Variants in TMCC1 observed in about 807,000 individuals in gnomAD.
TMCC1 encodes the protein transmembrane and coiled-coil domains protein 1.
A neutral mutation model predicts 52.4 loss-of-function variants in TMCC1; 15 were observed. The observed-to-expected ratio is 0.29, with a 90% CI of 0.19 to 0.44. The LOEUF (loss-of-function observed/expected upper bound fraction) is 0.44. Ranked by LOEUF, TMCC1 falls within the 20% of genes least tolerant of loss-of-function variation. TMCC1 has a pLI of 1.00. For missense variants in TMCC1, 503 were observed against 806.0 expected (o/e 0.62, Z 4.55); for synonymous variants, 279 against 301.9 (o/e 0.92, Z 0.79).
chr3:129,819,563 A>T (rs2058307371), intron 4 of TMCC1, among the ~76,000 whole-genome samples: 1 of 152,216 alleles, frequency 6.6e-6, no homozygotes, highest in South Asian at 2.1e-4. Context: ...CAGATCACAA[A>T]AAGGAAAAAC....
intron 2 of TMCC1, chr3:129,847,841 AATCCT>A (rs1467577575): frequency 6.6e-6 from 1 of 152,242 alleles, no homozygotes; most frequent in Non-Finnish European, 1.5e-5. Flanking sequence ...CCATGTGACT[AATCCT>A]ATTCATTACA....
At chr3:129,765,696 C>T (rs191350695) in intron 4 of TMCC1, among the ~76,000 whole-genome samples, 6 of 152,176 alleles carry the variant, frequency 3.9e-5, no homozygotes, top group Admixed American at 3.9e-4. Context: ...GGTAGAGCAA[C>T]CTCTACACAG....
At chr3:129,665,678 C>T (rs1015363872) in intron 5 of TMCC1, among the ~76,000 whole-genome samples, 4 of 152,110 alleles carry the variant, frequency 2.6e-5, no homozygotes, top group Non-Finnish European at 2.9e-5. Context: ...ATATAGATTT[C>T]GGGATTGAGC....
chr3:129,885,032 G>A (rs1317702774), intron 1 of TMCC1, among the ~76,000 whole-genome samples: 7 of 151,932 alleles, frequency 4.6e-5, no homozygotes, highest in African/African-American at 9.7e-5. Flanking sequence ...CCAGCTACTC[G>A]GGGAGCTGAG....
chr3:129,750,900 A>G (rs966512706), intron 4 of TMCC1, among the ~76,000 whole-genome samples: 2 of 151,148 alleles, frequency 1.3e-5, no homozygotes, highest in Admixed American at 6.6e-5. Context: ...TAAATTTTAC[A>G]TAAGAATTAA....
rs1245669381 is a variant in TMCC1, at chr3:129,655,101, C to T, written c.1514G>A (p.Cys505Tyr). Residue 505 changes from cysteine to tyrosine, a missense_variant and splice_region_variant, in exon 6 of 7, where the codon TGT (cysteine) becomes TAT (tyrosine). This residue lies in a region of TMCC1 where 121 missense variants were observed against 193.6 expected (regional missense o/e 0.62). Transcript: ENST00000393238. Reference sequence around the variant, plus strand: ...ATTTAGCTGTTCTTCCAATCGTTCACATCTAAGGAGAAAAAAAAAGTTTAG... The same window carrying T: ...ATTTAGCTGTTCTTCCAATCGTTCATATCTAAGGAGAAAAAAAAAGTTTAG... ...MQTLQEERYR[C>Y]ERLEEQLNDL... 1 of 1,604,984 alleles carries T rather than the reference C, an allele frequency of 6.2e-7. No individual in the cohort carries two copies. Among genetic ancestry groups the T allele is most frequent in the African/African-American group, 1.3e-5 (1 of 74,128 alleles).
In TMCC1 at chr3:129,764,715, A is replaced by G. The variant is rs2053927279; in HGVS notation, c.576+63088T>C. 2.1e-5 allele frequency among the ~76,000 whole-genome samples: 3 copies of G among 144,108 alleles called. No individual in the cohort carries two copies. The East Asian group carries it at 6.0e-4, about 29-fold the overall frequency. 94.5% of individuals were successfully genotyped at this position (144,108 alleles called of 152,430 possible). On this transcript the variant is annotated intron_variant, in intron 4 of 6. Transcript: ENST00000393238. ...GTTTTAGGTGAAAGCCAAAATGGTT[A>G]AGCTACATCCTATAATATTGTGTGT...
chr3:129,811,506 G>A (rs921125110), intron 4 of TMCC1, among the ~76,000 whole-genome samples: 5 of 152,018 alleles, frequency 3.3e-5, no homozygotes, highest in South Asian at 4.2e-4. Flanking sequence ...TGGCTCCAGT[G>A]ATCCTCCCAC....
Position 129,803,647 on chromosome 3 carries a change from A to C in TMCC1, c.576+24156T>G, listed in dbSNP as rs181816734. On this transcript the variant is annotated intron_variant, in intron 4 of 6. Coordinates refer to ENST00000393238, the MANE Select transcript of TMCC1 (RefSeq NM_001017395.5). ...GGCATGGAATTCAACAGATGACTTT[A>C]TCCAGAAAAGTTTTGACACCTCAAT... Among the ~76,000 whole-genome samples the C allele has an allele frequency of 3.2e-3, 490 of 152,284 alleles. 4 individuals carry two copies. Among genetic ancestry groups the C allele is most frequent in the Non-Finnish European group, 3.8e-3 (260 of 68,012 alleles).
intron 6 of TMCC1, among the ~76,000 whole-genome samples, chr3:129,653,765 A>G (rs1432908824): frequency 6.6e-6 from 1 of 152,084 alleles, no homozygotes; most frequent in African/African-American, 2.4e-5. Flanking sequence ...CTATTTTTTA[A>G]CTTTATATTA....
intron 4 of TMCC1, among the ~76,000 whole-genome samples, chr3:129,727,651 G>C (rs1190861142): frequency 6.6e-6 from 1 of 152,094 alleles, no homozygotes; most frequent in Non-Finnish European, 1.5e-5. Flanking sequence ...TAGTCCTGAA[G>C]GTCTGAAGGA....
At chr3:129,746,426 G>A (rs1045733073) in intron 4 of TMCC1, among the ~76,000 whole-genome samples, 2 of 151,482 alleles carry the variant, frequency 1.3e-5, no homozygotes, top group Non-Finnish European at 2.9e-5. Context: ...TGATCCGCCC[G>A]CCTCGGCCTC....
chr3:129,734,723 C>G (rs1274824720), intron 4 of TMCC1, among the ~76,000 whole-genome samples: 1 of 152,066 alleles, frequency 6.6e-6, no homozygotes, highest in East Asian at 1.9e-4. Context: ...TAATGAAAAA[C>G]ACTAAATTCA....
chr3:129,801,621 C>T (rs1034285029), intron 4 of TMCC1, among the ~76,000 whole-genome samples: 1 of 152,100 alleles, frequency 6.6e-6, no homozygotes, highest in South Asian at 2.1e-4. Context: ...AACACACCTG[C>T]CTAATTTTTG....
intron 4 of TMCC1, among the ~76,000 whole-genome samples, chr3:129,822,918 T>C (rs1004190547): frequency 1.8e-4 from 28 of 152,374 alleles, no homozygotes; most frequent in African/African-American, 5.5e-4. Flanking sequence ...TCAAGACTTT[T>C]GAATTCTTAG....
chr3:129,763,183 G>A (rs934179115), intron 4 of TMCC1, among the ~76,000 whole-genome samples: 1 of 145,960 alleles, frequency 6.9e-6, no homozygotes, highest in African/African-American at 2.6e-5. Context: ...GGGTGACAGA[G>A]CAAGACTCTG....
rs2108838779 is a variant in TMCC1, at chr3:129,651,983, T to C, written c.1648-188A>G. On this transcript the variant is annotated intron_variant, in intron 6 of 6. Transcript: ENST00000393238. The surrounding 1 kb of genome is among the most constrained non-coding windows in gnomAD (Gnocchi z 5.1). ...TTCAAGTGATTATTATTCCCCCAAA[T>C]TGCCCTCCACTGCATTCCAGTGGGA... Among the ~76,000 whole-genome samples the C allele has an allele frequency of 6.6e-6, 1 of 152,354 alleles. No homozygotes were observed. Among genetic ancestry groups the C allele is most frequent in the Non-Finnish European group, 1.5e-5 (1 of 68,028 alleles).
chr3:129,877,926 G>A (rs936094927), intron 2 of TMCC1, among the ~76,000 whole-genome samples: 2 of 150,290 alleles, frequency 1.3e-5, no homozygotes, highest in South Asian at 2.1e-4. Flanking sequence ...GTGAGCCACC[G>A]TGACCAGCTT....
chr3:129,804,195 G>T (rs1432820825), intron 4 of TMCC1, among the ~76,000 whole-genome samples: 1 of 152,172 alleles, frequency 6.6e-6, no homozygotes, highest in Non-Finnish European at 1.5e-5. Context: ...TTCCTATTAA[G>T]AGACCACTTT....
Sources: gnomAD v4.1 joint callset for allele counts (sites outside exome capture counted in the v4.1 genomes callset) on GRCh38, gnomAD v4.1.1 for gene constraint, gnomAD v4.1.1 regional missense constraint, Gnocchi (gnomAD v3.1) non-coding constraint, MANE v1.5 for transcripts, NCBI Gene and HGNC (gene_info 2026-07-23, HGNC 2026-07-21) for gene names.